Variants in PCDHGA1 observed in about 807,000 individuals in gnomAD.
PCDHGA1 encodes the protein protocadherin gamma subfamily A, 1, also known as protocadherin gamma-A1.
In PCDHGA1, 32 loss-of-function variants were observed where a neutral mutation model predicts 58.0. The observed-to-expected ratio is 0.55, with a 90% CI of 0.42 to 0.74. The LOEUF is 0.74. Ranked by LOEUF, PCDHGA1 falls within the 30% of genes least tolerant of loss-of-function variation. The probability of loss-of-function intolerance (pLI) is 0.00; values close to 1 mark genes in which losing one functional copy is unlikely to be tolerated. For synonymous variants in PCDHGA1, 498 were observed against 501.1 expected, an observed-to-expected ratio of 0.99 and a Z score of 0.08; for missense variants, 1,205 against 1,182.3, an observed-to-expected ratio of 1.02 and a Z score of -0.28.
At chr5:141,337,635 G>C (rs982127529) in intron 1 of PCDHGA1, among the ~76,000 whole-genome samples, 1 of 152,200 alleles carries the variant, frequency 6.6e-6, no homozygotes, top group Non-Finnish European at 1.5e-5. Flanking sequence ...GCAATGGGGA[G>C]TTGCTATTTA....
At chr5:141,460,034 C>T (rs1463167810) in intron 1 of PCDHGA1, among the ~76,000 whole-genome samples, 1 of 152,116 alleles carries the variant, frequency 6.6e-6, no homozygotes, top group African/African-American at 2.4e-5. Context: ...GCCGAGACTG[C>T]ACCACTGCAC....
At position 141,487,270 on chromosome 5, in the gene PCDHGA1, A is replaced by T. The variant is rs777469322; in HGVS notation, c.2422-7537A>T. 6.2e-7 allele frequency: 1 copy of T among 1,614,046 alleles called. No homozygotes were observed. Among genetic ancestry groups the T allele is most frequent in the South Asian group, 1.1e-5 (1 of 91,076 alleles). On this transcript the variant is annotated intron_variant, in intron 1 of 3. Transcript: ENST00000517417. The surrounding 1 kb of genome is among the most constrained non-coding windows in gnomAD (Gnocchi z 5.0). ...TCTACTTGGCTGTGTCCCTAGTGGC[A>T]ATTTGCTTTGTCTCCTTTGGCTCAT... is the stretch of plus-strand genomic sequence containing the variant.
intron 1 of PCDHGA1, chr5:141,390,260 C>T (rs1206984031): frequency 6.2e-7 from 1 of 1,614,002 alleles, no homozygotes; most frequent in Non-Finnish European, 8.5e-7. Context: ...TTTGTAATTC[C>T]AGTGAATTGA....
chr5:141,339,726 C>A, intron 1 of PCDHGA1: 1 of 1,614,112 alleles, frequency 6.2e-7, no homozygotes, highest in Non-Finnish European at 8.5e-7. Context: ...ATAAGCATTC[C>A]GGAGAATACG....
At chr5:141,403,104 A>T in intron 1 of PCDHGA1, 1 of 1,614,038 alleles carries the variant, frequency 6.2e-7, no homozygotes. Flanking sequence ...ATCTCCAAGG[A>T]CCTGGCTCTG....
Position 141,431,112 on chromosome 5 carries a change from GAGTAGA to G in PCDHGA1, c.2422-63684_2422-63679del, listed in dbSNP as rs764068262. On this transcript the variant is annotated intron_variant, in intron 1 of 3. Transcript: ENST00000517417. The surrounding 1 kb of genome is among the most constrained non-coding windows in gnomAD (Gnocchi z 4.8). ...ATGGAGGATAAAGTGAAAATATATG[GAGTAGA>G]AGTAGAAGTAAGGGACATTAACGAC... The G allele has an allele frequency of 1.7e-5, 28 of 1,614,128 alleles. No individual in the cohort carries two copies. The highest frequency in any genetic ancestry group is 3.3e-5 in the South Asian group (3 of 91,092).
intron 2 of PCDHGA1, among the ~76,000 whole-genome samples, chr5:141,504,211 A>G (rs2099836609): frequency 6.6e-6 from 1 of 152,218 alleles, no homozygotes. Flanking sequence ...GGAAAATTCC[A>G]AGTAGAGCTG....
intron 1 of PCDHGA1, chr5:141,366,727 A>C: frequency 6.2e-7 from 1 of 1,613,036 alleles, no homozygotes; most frequent in Non-Finnish European, 8.5e-7. Context: ...AGGTAGATGC[A>C]AACAAAGAAG....
intron 1 of PCDHGA1, among the ~76,000 whole-genome samples, chr5:141,474,000 C>T (rs2099336161): frequency 6.6e-6 from 1 of 152,076 alleles, no homozygotes. Context: ...GCCCAAGGAG[C>T]TGGAAGTTAC....
At position 141,489,193 on chromosome 5, in the gene PCDHGA1, G is replaced by A; in HGVS notation, c.2422-5614G>A. The A allele has an allele frequency of 2.2e-6, 3 of 1,369,230 alleles. No individual in the cohort carries two copies. Among genetic ancestry groups the A allele is most frequent in the Non-Finnish European group, 3.0e-6 (3 of 1,000,290 alleles). 84.8% of individuals were successfully genotyped at this position (1,369,230 alleles called of 1,614,324 possible). On this transcript the variant is annotated intron_variant, in intron 1 of 3. Coordinates refer to ENST00000517417, the MANE Select transcript of PCDHGA1 (RefSeq NM_018912.3). The surrounding 1 kb of genome is among the most constrained non-coding windows in gnomAD (Gnocchi z 4.5). ...GCATTCCAAGCCCTGGGTCTACCTT[G>A]GAGACAGGACAGCACAGACTTACTC...
chr5:141,418,506 A>G, intron 1 of PCDHGA1: 1 of 1,613,978 alleles, frequency 6.2e-7, no homozygotes, highest in Non-Finnish European at 8.5e-7. Flanking sequence ...ACCGCCTTAG[A>G]TGGTGGGGAC....
At chr5:141,355,601 G>A (rs2149786731) in intron 1 of PCDHGA1, 2 of 1,613,936 alleles carry the variant, frequency 1.2e-6, no homozygotes, top group Non-Finnish European at 8.5e-7. Flanking sequence ...CCCAGTTTTG[G>A]GACAGAACAG....
chr5:141,433,245 A>C, intron 1 of PCDHGA1: 3 of 1,459,776 alleles, frequency 2.1e-6, no homozygotes, highest in Non-Finnish European at 2.8e-6. Context: ...CCAAGCTGGA[A>C]TGCAGCGGTA....
chr5:141,422,431 T>G, intron 1 of PCDHGA1: 1 of 1,608,846 alleles, frequency 6.2e-7, no homozygotes, highest in Non-Finnish European at 8.5e-7. Flanking sequence ...TTATGGAAAT[T>G]ATTACAAATT....
Position 141,361,225 on chromosome 5 carries a change from A to G in PCDHGA1, c.2421+28120A>G, listed in dbSNP as rs748119164. 2.5e-6 allele frequency: 4 copies of G among 1,614,030 alleles called. No individual in the cohort carries two copies. In the Middle Eastern group the frequency reaches 4.9e-4, roughly 200 times the overall value. ...CCTACCGGAGGATTCGCCACCAGGAACAGTGATCGCCTTGATAAAAACGAG... is the reference window on the plus strand; with the variant it reads ...CCTACCGGAGGATTCGCCACCAGGAGCAGTGATCGCCTTGATAAAAACGAG... On this transcript the variant is annotated intron_variant, in intron 1 of 3. Transcript: ENST00000517417.
chr5:141,418,248 C>T (rs372067603), intron 1 of PCDHGA1: 7 of 1,613,882 alleles, frequency 4.3e-6, no homozygotes, highest in African/African-American at 1.3e-5. Flanking sequence ...AATGACCACG[C>T]CCCTCAATTC....
chr5:141,375,994 G>A lies in PCDHGA1; in HGVS notation c.2421+42889G>A, dbSNP rs553803944. ...CGCGCGCCCTGCTGGACAGAGACGC[G>A]CTCAAGCAGAGCCTAGTGGTGGCCG... On this transcript the variant is annotated intron_variant, in intron 1 of 3. Coordinates refer to ENST00000517417, the MANE Select transcript of PCDHGA1 (RefSeq NM_018912.3). The A allele has an allele frequency of 2.5e-6, 4 of 1,613,410 alleles. No individual in the cohort carries two copies. The South Asian group carries it at 3.3e-5, about 13-fold the overall frequency.
Position 141,491,730 on chromosome 5 carries a change from C to G in PCDHGA1, c.2422-3077C>G, listed in dbSNP as rs1346666614. 1 of 1,603,920 alleles carries G rather than the reference C, an allele frequency of 6.2e-7. No homozygotes were observed. Among genetic ancestry groups the G allele is most frequent in the Non-Finnish European group, 8.5e-7 (1 of 1,175,836 alleles). ...GGGGCTCGGCGCCGCCCCGGGCGAC[C>G]CCTGGGGGCGGCACTGGAGAAGCCG... On this transcript the variant is annotated intron_variant, in intron 1 of 3. Coordinates refer to ENST00000517417, the MANE Select transcript of PCDHGA1 (RefSeq NM_018912.3). The surrounding 1 kb of genome is among the most constrained non-coding windows in gnomAD (Gnocchi z 6.9).
rs1756379030 is a variant in PCDHGA1 at position 141,331,864 on chromosome 5, T to A, written c.1180T>A (p.Leu394Met). 1 of 1,614,146 alleles carries A rather than the reference T, an allele frequency of 6.2e-7. No individual in the cohort carries two copies. ...CATTCCTGGAAATTTACCCTTTAAA[T>A]TGGAAAAGTTAGTTGATAATTATTA... ...CFIPGNLPFK[L>M]EKLVDNYYRL... Residue 394 changes from leucine (L) to methionine (M), a missense_variant, in exon 1 of 4, where the codon TTG (leucine) becomes ATG (methionine). Coordinates refer to ENST00000517417, the MANE Select transcript of PCDHGA1 (RefSeq NM_018912.3).
Sources: gnomAD v4.1 joint callset for allele counts (sites outside exome capture counted in the v4.1 genomes callset) on GRCh38, gnomAD v4.1.1 for gene constraint, Gnocchi (gnomAD v3.1) non-coding constraint, MANE v1.5 for transcripts, NCBI Gene and HGNC (gene_info 2026-07-23, HGNC 2026-07-21) for gene names.